Variants in PSMA1 observed in about 807,000 individuals in gnomAD.
PSMA1 encodes the protein proteasome subunit alpha type-1.
PSMA1 carries 3 observed loss-of-function variants against 38.4 expected under a neutral mutation model. That is an observed-to-expected ratio of 0.08 (90% CI 0.04 to 0.20). The LOEUF (loss-of-function observed/expected upper bound fraction) is 0.20. Ranked by LOEUF, PSMA1 falls within the 10% of genes least tolerant of loss-of-function variation. The pLI is 1.00. For missense variants in PSMA1, 227 were observed against 325.3 expected, an observed-to-expected ratio of 0.70 and a Z score of 2.32; for synonymous variants, 101 against 107.1, an observed-to-expected ratio of 0.94 and a Z score of 0.35.
chr11:14,589,935 A>C (rs529060966), intron 2 of PSMA1, among the ~76,000 whole-genome samples: 3 of 152,332 alleles, frequency 2.0e-5, no homozygotes, highest in Non-Finnish European at 4.4e-5. Flanking sequence ...CCAAAGTTGG[A>C]AGGAGCACAA....
chr11:14,628,465 T>C (rs1310512959), intron 1 of PSMA1, among the ~76,000 whole-genome samples: 1 of 150,742 alleles, frequency 6.6e-6, no homozygotes, highest in Non-Finnish European at 1.5e-5. Context: ...TGATTTCCAA[T>C]TTCATCCATG....
rs145019659 is a variant in PSMA1, at chr11:14,520,352, G to A, written c.-53C>T. The A allele has an allele frequency of 8.1e-4, 1,306 of 1,614,196 alleles. 1 individual carries two copies. Among genetic ancestry groups the A allele is most frequent in the Non-Finnish European group, 1.0e-3 (1,235 of 1,180,022 alleles). ...TCCAGCAAAACTGAGAATCAAGGAG[G>A]TGCTGCCGAAAGTATCGCTCAGCGA... On this transcript the variant is annotated 5_prime_UTR_variant, in exon 1 of 10. Transcript: ENST00000396394.
chr11:14,505,043 C>T lies in PSMA1; in HGVS notation c.*149G>A. 2.8e-6 allele frequency: 2 copies of T among 717,566 alleles called. No individual in the cohort carries two copies. The highest frequency in any genetic ancestry group is 4.9e-6 in the Non-Finnish European group (2 of 405,822). The allele number at this position is 717,566 out of a possible 1,614,324, so 44.4% of individuals were successfully genotyped here. ...CATTATATAGGTTTCAGTGAGGTTG[C>T]TTGGAAAAAACTCACATCTGGACTG... On this transcript the variant is annotated 3_prime_UTR_variant, in exon 10 of 10. Coordinates refer to ENST00000396394, the MANE Select transcript of PSMA1 (RefSeq NM_002786.4).
At chr11:14,544,877 A>G (rs1052651892) in intron 2 of PSMA1, among the ~76,000 whole-genome samples, 5 of 152,238 alleles carry the variant, frequency 3.3e-5, no homozygotes, top group South Asian at 2.1e-4. Flanking sequence ...AAACTTGTAC[A>G]TGAATGTTCA....
At chr11:14,571,723 T>A (rs1263866443) in intron 2 of PSMA1, among the ~76,000 whole-genome samples, 1 of 152,148 alleles carries the variant, frequency 6.6e-6, no homozygotes, top group Non-Finnish European at 1.5e-5. Context: ...ACTGGCAAAT[T>A]GGATAAAGAG....
intron 2 of PSMA1, among the ~76,000 whole-genome samples, chr11:14,561,260 CA>C (rs1297331831): frequency 6.6e-6 from 1 of 152,196 alleles, no homozygotes; most frequent in East Asian, 1.9e-4. Context: ...CATGCTGACT[CA>C]AAACAGCTCC....
chr11:14,579,260 G>A (rs181458809), intron 2 of PSMA1, among the ~76,000 whole-genome samples: 1 of 152,156 alleles, frequency 6.6e-6, no homozygotes, highest in South Asian at 2.1e-4. Context: ...CCTTCTGAAG[G>A]TTCTAGAAGA....
intron 2 of PSMA1, among the ~76,000 whole-genome samples, chr11:14,560,955 A>G (rs1200789075): frequency 6.6e-6 from 1 of 152,248 alleles, no homozygotes; most frequent in East Asian, 1.9e-4. Context: ...ATGCAAGCAT[A>G]AAATATATGA....
At chr11:14,604,604 A>C (rs577697270) in intron 2 of PSMA1, among the ~76,000 whole-genome samples, 31 of 152,312 alleles carry the variant, frequency 2.0e-4, no homozygotes, top group African/African-American at 7.2e-4. Flanking sequence ...GTACATGTAC[A>C]GGTTTGTACC....
intron 2 of PSMA1, among the ~76,000 whole-genome samples, chr11:14,558,249 CAA>C (rs35509045): frequency 2.1e-4 from 16 of 78,014 alleles, no homozygotes; most frequent in Admixed American, 4.9e-4. Context: ...CCCATCTGCA[CAA>C]AAAAAAAAAA....
intron 1 of PSMA1, among the ~76,000 whole-genome samples, chr11:14,621,534 G>A (rs530394629): frequency 2.9e-4 from 44 of 152,144 alleles, no homozygotes; most frequent in Non-Finnish European, 5.3e-4. Context: ...GCCTCCTAAA[G>A]AGCTGGGATT....
chr11:14,534,671 A>G lies in PSMA1; in HGVS notation c.22-15630T>C, dbSNP rs990559239. 3.3e-5 allele frequency among the ~76,000 whole-genome samples: 5 copies of G among 151,930 alleles called. No homozygotes were observed. The East Asian group carries it at 9.6e-4, about 29-fold the overall frequency. On this transcript the variant is annotated intron_variant, in intron 2 of 10. Coordinates refer to the PSMA1 transcript ENST00000418988. The surrounding 1 kb of genome is among the most constrained non-coding windows in gnomAD (Gnocchi z 4.5). ...TAATTACTGTGTTTTTTCCCTTTCA[A>G]TACTATCCATCTGGAGAAGGGAGAA...
chr11:14,594,359 G>T (rs1046749061), intron 2 of PSMA1, among the ~76,000 whole-genome samples: 2 of 152,102 alleles, frequency 1.3e-5, no homozygotes, highest in Non-Finnish European at 2.9e-5. Context: ...TCCAAATAGA[G>T]AGATCTACAT....
chr11:14,635,559 G>A (rs191555760), intron 1 of PSMA1, among the ~76,000 whole-genome samples: 2 of 152,250 alleles, frequency 1.3e-5, no homozygotes, highest in Admixed American at 1.3e-4. Context: ...TTCTGTAAAT[G>A]TACAAGTCTT....
chr11:14,589,351 G>GTA (rs1362628753), intron 2 of PSMA1, among the ~76,000 whole-genome samples: 193 of 131,622 alleles, frequency 1.5e-3, no homozygotes, highest in African/African-American at 3.8e-3. Context: ...ATGTGTGTGT[G>GTA]TATATATATA....
intron 1 of PSMA1, among the ~76,000 whole-genome samples, chr11:14,635,990 T>C (rs1005875744): frequency 6.6e-6 from 1 of 152,208 alleles, no homozygotes; most frequent in Admixed American, 6.5e-5. Context: ...GAATCCATTA[T>C]TTTAAACTTA....
intron 2 of PSMA1, among the ~76,000 whole-genome samples, chr11:14,556,818 T>C (rs1851944797): frequency 6.6e-6 from 1 of 152,198 alleles, no homozygotes; most frequent in African/African-American, 2.4e-5. Flanking sequence ...CTTTTCTCCA[T>C]AGAATGTTTT....
chr11:14,520,600 C>T (rs1464791645), upstream of PSMA1: 7 of 786,810 alleles, frequency 8.9e-6, no homozygotes, highest in African/African-American at 8.8e-5. Flanking sequence ...CGTAGCCCTT[C>T]TAGGTTCCTG....
chr11:14,633,492 C>T (rs1382531638), intron 1 of PSMA1, among the ~76,000 whole-genome samples: 17 of 151,638 alleles, frequency 1.1e-4, no homozygotes, highest in Admixed American at 2.0e-4. Context: ...GCAGTCTGCC[C>T]GTTCTCAGAT....
Sources: allele counts gnomAD v4.1 joint callset (sites outside exome capture counted in the v4.1 genomes callset), GRCh38; gene constraint gnomAD v4.1.1; non-coding constraint Gnocchi (gnomAD v3.1); transcripts MANE v1.5; gene names NCBI Gene and HGNC (gene_info 2026-07-23, HGNC 2026-07-21).